Variants in KCNIP4 observed in about 807,000 individuals in gnomAD.
KCNIP4 encodes potassium voltage-gated channel interacting protein 4, also known as Kv channel-interacting protein 4.
KCNIP4 carries 12 observed loss-of-function variants against 34.0 expected under a neutral mutation model. The ratio of observed to expected loss-of-function variants is 0.35; its 90% CI spans 0.23 to 0.57. The LOEUF (loss-of-function observed/expected upper bound fraction) is 0.57. Among genes scored for constraint, KCNIP4 ranks in the 20% least tolerant of loss-of-function variants. The pLI is 0.83. For missense variants in KCNIP4, 238 were observed against 311.7 expected, an observed-to-expected ratio of 0.76 and a Z score of 1.78; for synonymous variants, 124 against 102.2, an observed-to-expected ratio of 1.21 and a Z score of -1.29.
At chr4:21,888,298 A>G (rs1176901247) in intron 1 of KCNIP4, among the ~76,000 whole-genome samples, 3 of 152,130 alleles carry the variant, frequency 2.0e-5, no homozygotes, top group Non-Finnish European at 4.4e-5. Context: ...GGTGCAGGCC[A>G]CAAGAATTAC....
intron 1 of KCNIP4, among the ~76,000 whole-genome samples, chr4:21,172,423 ATTATG>A (rs1376713798): frequency 1.3e-5 from 2 of 152,226 alleles, no homozygotes; most frequent in African/African-American, 2.4e-5. Flanking sequence ...GAAAAATAAA[ATTATG>A]TTATAGGATT....
chr4:21,824,909 T>G (rs1578036481), intron 1 of KCNIP4, among the ~76,000 whole-genome samples: 1 of 152,084 alleles, frequency 6.6e-6, no homozygotes, highest in African/African-American at 2.4e-5. Flanking sequence ...TGACTGCTAG[T>G]GAGGCCCAGA....
intron 2 of KCNIP4, among the ~76,000 whole-genome samples, chr4:20,875,113 A>G (rs1190152015): frequency 1.3e-5 from 2 of 151,970 alleles, no homozygotes; most frequent in South Asian, 2.1e-4. Context: ...AAAAAAAAAA[A>G]CTCATTCAAG....
chr4:21,058,942 C>T (rs934528759), intron 1 of KCNIP4, among the ~76,000 whole-genome samples: 1 of 152,014 alleles, frequency 6.6e-6, no homozygotes, highest in Non-Finnish European at 1.5e-5. Context: ...ATGGGAGAGA[C>T]CCAGTGGGAG....
chr4:21,918,683 C>G (rs368723977), intron 1 of KCNIP4, among the ~76,000 whole-genome samples: 1 of 152,240 alleles, frequency 6.6e-6, no homozygotes, highest in East Asian at 1.9e-4. Context: ...AAACAAATTT[C>G]TAATTTTCAT....
At chr4:21,443,633 C>T (rs185104455) in intron 1 of KCNIP4, among the ~76,000 whole-genome samples, 3 of 152,110 alleles carry the variant, frequency 2.0e-5, no homozygotes, top group Non-Finnish European at 4.4e-5. Context: ...GCCTGATGCT[C>T]TAAAGAATTT....
At chr4:21,302,716 C>G (rs943420007) in intron 1 of KCNIP4, among the ~76,000 whole-genome samples, 1 of 151,964 alleles carries the variant, frequency 6.6e-6, no homozygotes, top group Non-Finnish European at 1.5e-5. Context: ...CGCCCTGCAT[C>G]CCCCGCCCCA....
chr4:21,476,213 T>C (rs1267656889), intron 1 of KCNIP4, among the ~76,000 whole-genome samples: 2 of 150,432 alleles, frequency 1.3e-5, no homozygotes, highest in African/African-American at 2.4e-5. Context: ...TCTATACTTA[T>C]ACCTATACTT....
chr4:21,510,306 A>G (rs1560471495), intron 1 of KCNIP4, among the ~76,000 whole-genome samples: 2 of 152,186 alleles, frequency 1.3e-5, no homozygotes, highest in Non-Finnish European at 2.9e-5. Flanking sequence ...ATAAGAAAGT[A>G]TGCACTTCAA....
chr4:20,849,004 C>G (rs1425357774), intron 3 of KCNIP4, among the ~76,000 whole-genome samples: 1 of 152,182 alleles, frequency 6.6e-6, no homozygotes, highest in African/African-American at 2.4e-5. Context: ...GTCAATACCA[C>G]TGTTTCATTG....
chr4:21,104,418 T>C (rs548169440), intron 1 of KCNIP4, among the ~76,000 whole-genome samples: 12 of 152,356 alleles, frequency 7.9e-5, no homozygotes, highest in African/African-American at 2.9e-4. Flanking sequence ...GTTCATATCC[T>C]TCATCCACTT....
Position 20,930,031 on chromosome 4 carries a change from A to G in KCNIP4, c.62-47322T>C, listed in dbSNP as rs1239135133. Among the ~76,000 whole-genome samples, 3 of 152,068 alleles carry G rather than the reference A, an allele frequency of 2.0e-5. No individual in the cohort carries two copies. In the East Asian group the frequency reaches 5.8e-4, roughly 29 times the overall value. On this transcript the variant is annotated intron_variant, in intron 1 of 8. Coordinates refer to ENST00000382152, the MANE Select transcript of KCNIP4 (RefSeq NM_025221.6). ...AATAGAAAAAAAATTCTTGAAATTC[A>G]TATGGAACCACAGACACATAAAAAC...
At chr4:21,461,016 G>C (rs1457893779) in intron 1 of KCNIP4, among the ~76,000 whole-genome samples, 3 of 152,070 alleles carry the variant, frequency 2.0e-5, no homozygotes, top group Admixed American at 1.3e-4. Flanking sequence ...ATGCTGCCAA[G>C]AATAGTCATA....
intron 1 of KCNIP4, among the ~76,000 whole-genome samples, chr4:20,960,313 CAAG>C (rs1733726139): frequency 6.6e-6 from 1 of 152,234 alleles, no homozygotes; most frequent in Admixed American, 6.5e-5. Context: ...AGAATTCAAG[CAAG>C]AAGAGGTGGA....
intron 2 of KCNIP4, among the ~76,000 whole-genome samples, chr4:20,864,264 GTATGTA>G: frequency 6.6e-6 from 1 of 150,636 alleles, no homozygotes; most frequent in South Asian, 2.1e-4. Context: ...GCACACATAT[GTATGTA>G]CACATATGTA....
intron 1 of KCNIP4, among the ~76,000 whole-genome samples, chr4:21,810,550 C>A (rs922031387): frequency 1.3e-5 from 2 of 152,012 alleles, no homozygotes; most frequent in Non-Finnish European, 2.9e-5. Flanking sequence ...ACTAGCCGGG[C>A]ATAGGGGCGG....
At chr4:20,810,557 G>A (rs6814183) in intron 3 of KCNIP4, among the ~76,000 whole-genome samples, 68,384 of 151,778 alleles carry the variant, frequency 0.45, 15,648 homozygotes, top group Admixed American at 0.55. Flanking sequence ...TTCTGAATTT[G>A]CAACTAACAC....
At chr4:21,292,240 C>G (rs1346036705) in intron 1 of KCNIP4, among the ~76,000 whole-genome samples, 1 of 152,134 alleles carries the variant, frequency 6.6e-6, no homozygotes, top group Non-Finnish European at 1.5e-5. Flanking sequence ...GATTTTAAGT[C>G]AGTGCCTTAG....
intron 1 of KCNIP4, among the ~76,000 whole-genome samples, chr4:21,218,505 A>G (rs1397323469): frequency 6.6e-6 from 1 of 152,186 alleles, no homozygotes; most frequent in African/African-American, 2.4e-5. Context: ...TTCAATGCAT[A>G]CATTTCATAT....
Sources: gnomAD v4.1 joint callset for allele counts (sites outside exome capture counted in the v4.1 genomes callset) on GRCh38, gnomAD v4.1.1 for gene constraint, MANE v1.5 for transcripts, NCBI Gene and HGNC (gene_info 2026-07-23, HGNC 2026-07-21) for gene names.